Variants in CCDC186 observed in about 807,000 individuals in gnomAD.
CCDC186 encodes the protein coiled-coil domain containing 186, also known as coiled-coil domain-containing protein 186.
A neutral mutation model predicts 113.7 loss-of-function variants in CCDC186; 49 were observed. The observed-to-expected ratio is 0.43, with a 90% CI of 0.34 to 0.55. The LOEUF (loss-of-function observed/expected upper bound fraction) is 0.55. CCDC186 is among the 20% of genes least tolerant of loss of function. The probability of loss-of-function intolerance (pLI) is 0.02; values close to 1 mark genes in which losing one functional copy is unlikely to be tolerated. For missense variants in CCDC186, 890 were observed against 1,011.1 expected, an observed-to-expected ratio of 0.88 and a Z score of 1.62; for synonymous variants, 355 against 345.8, an observed-to-expected ratio of 1.03 and a Z score of -0.30.
intron 15 of CCDC186, 72 bp downstream of exon 15, chr10:114,125,814 T>A: frequency 7.8e-7 from 1 of 1,285,350 alleles, no homozygotes. Flanking sequence ...AGCTGATTGC[T>A]AGATCAGACT....
chr10:114,122,301 G>A lies in CCDC186; in HGVS notation c.*2842C>T, dbSNP rs948004270. 1.3e-5 allele frequency: 2 copies of A among 152,084 alleles called. No individual in the cohort carries two copies. Among genetic ancestry groups the A allele is most frequent in the Admixed American group, 6.6e-5 (1 of 15,258 alleles). The allele number at this position is 152,084 out of a possible 1,614,324, so 9.4% of individuals were successfully genotyped here. A position where few individuals can be genotyped will look rare whatever the true frequency, so the allele number is the denominator to read the frequency against. On this transcript the variant is annotated 3_prime_UTR_variant, in exon 16 of 16. Transcript: ENST00000369287. ...AATTTCAAGCTAAATCGCTTTAAAT[G>A]GTTATGAAGATAGAAAGTAAAAACA...
rs183784101 is a variant in CCDC186 at position 114,162,646 on chromosome 10, A to G, written c.623T>C (p.Ile208Thr). ...VQDKYLQQEH[I>T]IKKLIKENKK... is the part of the protein sequence containing the mutation. ...GGTATAAAAAACTTACTTTTTTATG[A>G]TATGTTCCTGCTGCAAATATTTATC... Residue 208 changes from isoleucine (I) to threonine (T), a missense_variant, in exon 2 of 16, where the codon ATC (isoleucine) becomes ACC (threonine). Ile to Thr is a moderately conservative substitution (Grantham distance 89). Coordinates refer to ENST00000369287, the MANE Select transcript of CCDC186 (RefSeq NM_018017.4). 16 of 1,565,508 alleles carry G rather than the reference A, an allele frequency of 1.0e-5. No individual in the cohort carries two copies. The highest frequency in any genetic ancestry group is 1.4e-5 in the African/African-American group (1 of 72,662).
intron 1 of CCDC186, among the ~76,000 whole-genome samples, chr10:114,167,505 G>A (rs188911907): frequency 3.4e-4 from 51 of 152,204 alleles, no homozygotes; most frequent in Non-Finnish European, 4.4e-4. Flanking sequence ...GCCTCCAGTT[G>A]ACAATACTGA....
chr10:114,144,640 A>G, intron 5 of CCDC186, 24 bp from the exon 6 acceptor site: 3 of 1,574,548 alleles, frequency 1.9e-6, no homozygotes, highest in Non-Finnish European at 2.6e-6. Context: ...ACTAGGTCAT[A>G]TATTTTCATT....
intron 13 of CCDC186, 89 bp from the exon 14 acceptor site, chr10:114,127,760 A>G (rs1183710234): frequency 8.5e-7 from 1 of 1,175,600 alleles, no homozygotes; most frequent in Non-Finnish European, 1.2e-6. Flanking sequence ...ATCATTTCAA[A>G]TATTCACTCT....
At position 114,131,232 on chromosome 10, in the gene CCDC186, C is replaced by T; in HGVS notation, c.2016G>A (p.Gln672=). 3 of 1,601,442 alleles carry T rather than the reference C, an allele frequency of 1.9e-6. No homozygotes were observed. Among genetic ancestry groups the T allele is most frequent in the Non-Finnish European group, 2.6e-6 (3 of 1,174,558 alleles). Residue 672 remains glutamine, a synonymous_variant, in exon 12 of 16, where the codon CAG becomes CAA. Transcript: ENST00000369287. ...CTAACTCATCTTTTAATTCTTCTAC[C>T]TGGGTACTCAATGCTTTAACTTCTG... ...RQTEVKALST[Q]VEELKDELVT...
intron 9 of CCDC186, 116 bp from the exon 10 acceptor site, chr10:114,135,171 A>G (rs1189183420): frequency 2.9e-6 from 3 of 1,021,840 alleles, no homozygotes; most frequent in South Asian, 2.2e-5. Flanking sequence ...TAACGTGAAG[A>G]AAATATAATG....
chr10:114,172,959 A>T (rs1388924415), intron 1 of CCDC186, among the ~76,000 whole-genome samples: 1 of 152,216 alleles, frequency 6.6e-6, no homozygotes, highest in Non-Finnish European at 1.5e-5. Flanking sequence ...AGCCACACCC[A>T]CAACTAGCAT....
intron 11 of CCDC186, 60 bp from the exon 12 acceptor site, chr10:114,131,396 A>C: frequency 1.5e-6 from 2 of 1,367,724 alleles, no homozygotes; most frequent in African/African-American, 1.5e-5. Flanking sequence ...ATTAATGCTC[A>C]GTTTATATAA....
In CCDC186 at chr10:114,121,321, T is replaced by C. The variant is rs936241275; in HGVS notation, c.*3822A>G. Reference sequence around the variant, plus strand: ...GCTACATAAAGCATAAATGACAACATGATTTATAAAAATATTTTCACCAGG... The same window carrying C: ...GCTACATAAAGCATAAATGACAACACGATTTATAAAAATATTTTCACCAGG... On this transcript the variant is annotated 3_prime_UTR_variant, in exon 16 of 16. Transcript: ENST00000369287. 3 of 152,172 alleles carry C rather than the reference T, an allele frequency of 2.0e-5. No homozygotes were observed. The highest frequency in any genetic ancestry group is 2.0e-4 in the Admixed American group (3 of 15,270). The allele number at this position is 152,172 out of a possible 1,614,324, so 9.4% of individuals were successfully genotyped here.
chr10:114,125,963 A>C lies in CCDC186; in HGVS notation c.2536T>G (p.Leu846Val), dbSNP rs148522521. Reference protein sequence around the residue: ...TSHPADNGLTLELSLEINRKL... With the variant: ...TSHPADNGLTVELSLEINRKL... ...CGGTTGATTTCCAAAGAGAGCTCCA[A>C]TGTTAATCCATTGTCAGCTGGATGG... Residue 846 changes from leucine to valine, a missense_variant, in exon 15 of 16, where the codon TTG becomes GTG. Physicochemically the swap from Leu to Val is conservative, Grantham distance 32. Coordinates refer to ENST00000369287, the MANE Select transcript of CCDC186 (RefSeq NM_018017.4). 87 of 1,613,936 alleles carry C rather than the reference A, an allele frequency of 5.4e-5. No homozygotes were observed. The highest frequency in any genetic ancestry group is 6.9e-5 in the Non-Finnish European group (82 of 1,179,962).
At chr10:114,137,796 G>A in intron 6 of CCDC186, among the ~76,000 whole-genome samples, 1 of 151,962 alleles carries the variant, frequency 6.6e-6, no homozygotes, top group Non-Finnish European at 1.5e-5. Context: ...CAGCACTTTG[G>A]GGGGCTGAGG....
chr10:114,167,555 A>G (rs1034933523), intron 1 of CCDC186, among the ~76,000 whole-genome samples: 1 of 151,878 alleles, frequency 6.6e-6, no homozygotes, highest in African/African-American at 2.4e-5. Flanking sequence ...TTTTTGGGGG[A>G]GAGAGGTATG....
chr10:114,136,982 T>G (rs2031283272), intron 7 of CCDC186, among the ~76,000 whole-genome samples: 1 of 151,948 alleles, frequency 6.6e-6, no homozygotes. Flanking sequence ...CCAGGTGTGG[T>G]GGCAGGCACT....
intron 4 of CCDC186, among the ~76,000 whole-genome samples, chr10:114,148,182 G>A (rs1032499547): frequency 3.3e-5 from 5 of 152,152 alleles, no homozygotes; most frequent in Admixed American, 1.3e-4. Flanking sequence ...AGGGAATGGC[G>A]CACCAGATAA....
intron 4 of CCDC186, among the ~76,000 whole-genome samples, chr10:114,150,806 G>A (rs537271566): frequency 6.6e-6 from 1 of 152,164 alleles, no homozygotes; most frequent in East Asian, 1.9e-4. Flanking sequence ...GCGCCACCAC[G>A]TCTGGCTAAA....
At chr10:114,127,812 G>A (rs2030955932) in intron 13 of CCDC186, 141 bp from the exon 14 acceptor site, 5 of 763,178 alleles carry the variant, frequency 6.6e-6, no homozygotes, top group Admixed American at 5.7e-5. Context: ...CAACGTGGCT[G>A]AGGTTCTGGT....
In CCDC186 at chr10:114,131,287, GT is replaced by G; in HGVS notation, c.1960del (p.Thr654LeufsTer16). On this transcript the variant is annotated frameshift_variant, in exon 12 of 16. Coordinates refer to ENST00000369287, the MANE Select transcript of CCDC186 (RefSeq NM_018017.4). LOFTEE classifies it high-confidence loss of function. ...EEELRKEEVQTLQAELACRQT... is the reference protein window; with the variant it reads ...EEELRKEEVQXLQAELACRQT... Reference sequence around the variant, plus strand: ...TCTACAAGCGAGTTCAGCTTGCAGAGTTTGGACTTCCTCTTTTCGCAGTTCT... The same window carrying G: ...TCTACAAGCGAGTTCAGCTTGCAGAGTTGGACTTCCTCTTTTCGCAGTTCT... The G allele has an allele frequency of 6.3e-7, 1 of 1,599,686 alleles. No homozygotes were observed. The highest frequency in any genetic ancestry group is 1.1e-5 in the South Asian group (1 of 88,398).
intron 4 of CCDC186, among the ~76,000 whole-genome samples, chr10:114,149,529 G>C (rs1468302361): frequency 1.5e-5 from 2 of 133,306 alleles, no homozygotes; most frequent in Admixed American, 1.6e-4. Flanking sequence ...AGGAAGGAAG[G>C]AAGGAAAGGG....
Sources: allele counts gnomAD v4.1 joint callset (sites outside exome capture counted in the v4.1 genomes callset), GRCh38; gene constraint gnomAD v4.1.1; transcripts MANE v1.5; gene names NCBI Gene and HGNC (gene_info 2026-07-23, HGNC 2026-07-21).